The following TNNI3K variants were observed in gnomAD, a reference collection of about 807,000 sequenced individuals.
TNNI3K encodes TNNI3 interacting kinase.
TNNI3K carries 140 observed loss-of-function variants against 114.5 expected under a neutral mutation model. The observed-to-expected ratio is 1.22, with a 90% CI of 1.07 to 1.41. The LOEUF (loss-of-function observed/expected upper bound fraction) is 1.41. Ranked by LOEUF, TNNI3K falls within the 40% of genes most tolerant of loss-of-function variation. The probability of loss-of-function intolerance (pLI) is 0.00; values close to 1 mark genes in which losing one functional copy is unlikely to be tolerated. For missense variants in TNNI3K, 1,125 were observed against 1,007.6 expected, an observed-to-expected ratio of 1.12 and a Z score of -1.58; for synonymous variants, 347 against 347.5, an observed-to-expected ratio of 1.00 and a Z score of 0.02.
rs75732285 is a variant in TNNI3K at position 74,325,740 on chromosome 1, C to T, written c.445-5710C>T. 6.2e-3 allele frequency among the ~76,000 whole-genome samples: 941 copies of T among 152,012 alleles called. 11 individuals are homozygous for T. Among genetic ancestry groups the T allele is most frequent in the African/African-American group, 0.022 (898 of 41,460 alleles). On this transcript the variant is annotated intron_variant, in intron 5 of 24. Transcript: ENST00000326637. ...AGATGACTCTTTAAAAAATTGTCTACGAAGTTTAGGAGGAAGGACAATAGT... is the reference window on the plus strand; with the variant it reads ...AGATGACTCTTTAAAAAATTGTCTATGAAGTTTAGGAGGAAGGACAATAGT...
At chr1:74,372,848 A>G (rs945403068) in intron 17 of TNNI3K, 8 of 151,930 alleles carry the variant, frequency 5.3e-5, no homozygotes, top group African/African-American at 1.9e-4. Context: ...TAAAATAAAA[A>G]CAGAACATTT....
intron 17 of TNNI3K, chr1:74,375,063 C>A (rs1435203313): frequency 1.3e-5 from 2 of 152,444 alleles, no homozygotes; most frequent in African/African-American, 4.8e-5. Flanking sequence ...ATAGTGATAA[C>A]CTCCATCACA....
At chr1:74,288,482 T>C (rs510691) in intron 5 of TNNI3K, among the ~76,000 whole-genome samples, 150,803 of 152,168 alleles carry the variant, frequency 0.99, 74,743 homozygotes, top group Middle Eastern at 1. Context: ...ATGAATGAAC[T>C]GGGAGGACAT....
chr1:74,370,404 C>A lies in TNNI3K; in HGVS notation c.1772+12C>A. 1.3e-6 allele frequency: 2 copies of A among 1,597,492 alleles called. No individual in the cohort carries two copies. The highest frequency in any genetic ancestry group is 2.3e-5 in the East Asian group (1 of 44,224). ...CGTGACTTGAACAGGTATTTTTTTC[C>A]TAAATAATGAACTCAGAAGGGTATG... is the stretch of plus-strand genomic sequence containing the variant. On this transcript the variant is annotated intron_variant, in intron 17 of 24. Transcript: ENST00000326637.
At chr1:74,542,505 C>A (rs1285350538) in intron 24 of TNNI3K, among the ~76,000 whole-genome samples, 2 of 152,188 alleles carry the variant, frequency 1.3e-5, no homozygotes, top group African/African-American at 4.8e-5. Flanking sequence ...CCCATCATAA[C>A]CTTCCTCACA....
intron 23 of TNNI3K, among the ~76,000 whole-genome samples, chr1:74,508,816 C>T (rs1417967016): frequency 1.3e-5 from 2 of 152,188 alleles, no homozygotes; most frequent in Non-Finnish European, 2.9e-5. Context: ...GTTCTAATCC[C>T]ACCTCTGCCT....
Position 74,347,050 on chromosome 1 carries a change from G to T in TNNI3K, c.932+3871G>T, listed in dbSNP as rs563794457. ...GTTTTAGGGTACATGTGCACAACGGGCAGGTTTGTTACATATGTATACATG... is the reference window on the plus strand; with the variant it reads ...GTTTTAGGGTACATGTGCACAACGGTCAGGTTTGTTACATATGTATACATG... On this transcript the variant is annotated intron_variant, in intron 9 of 24. Transcript: ENST00000326637. 1.3e-4 allele frequency among the ~76,000 whole-genome samples: 20 copies of T among 151,552 alleles called. No individual in the cohort carries two copies. In the South Asian group the frequency reaches 4.2e-3, roughly 32 times the overall value.
chr1:74,449,359 TC>T (rs1364894718), intron 20 of TNNI3K, among the ~76,000 whole-genome samples: 1 of 151,632 alleles, frequency 6.6e-6, no homozygotes, highest in Non-Finnish European at 1.5e-5. Context: ...TCTCTTTTTT[TC>T]TTTATTAGTC....
At chr1:74,413,460 T>C (rs1021122921) in intron 17 of TNNI3K, among the ~76,000 whole-genome samples, 1 of 152,184 alleles carries the variant, frequency 6.6e-6, no homozygotes, top group Non-Finnish European at 1.5e-5. Context: ...ACAAAGGTGT[T>C]GTTACGGTAG....
chr1:74,249,461 C>A lies in TNNI3K; in HGVS notation c.152C>A (p.Ser51Tyr). 6.2e-7 allele frequency: 1 copy of A among 1,611,114 alleles called. No homozygotes were observed. Among genetic ancestry groups the A allele is most frequent in the East Asian group, 2.2e-5 (1 of 44,728 alleles). Residue 51 changes from serine (S) to tyrosine (Y), a missense_variant and splice_region_variant, in exon 3 of 25, where the codon TCT (serine) becomes TAT (tyrosine). Coordinates refer to ENST00000326637, the MANE Select transcript of TNNI3K (RefSeq NM_015978.3). Reference protein sequence around the residue: ...ELTELRNIFGSDEAFSKVNLN... With the variant: ...ELTELRNIFGYDEAFSKVNLN... Reference sequence around the variant, plus strand: ...CATCTGTAACATGTTTTTTTCAGCTCTGATGAAGCCTTCAGTAAAGTCAAT... The same window carrying A: ...CATCTGTAACATGTTTTTTTCAGCTATGATGAAGCCTTCAGTAAAGTCAAT...
intron 20 of TNNI3K, among the ~76,000 whole-genome samples, chr1:74,457,526 T>A (rs1338928230): frequency 6.6e-6 from 1 of 152,158 alleles, no homozygotes; most frequent in Non-Finnish European, 1.5e-5. Flanking sequence ...ATTTGCTTTG[T>A]CTCACCGCAG....
intron 2 of TNNI3K, among the ~76,000 whole-genome samples, chr1:74,244,730 T>G (rs1654449942): frequency 6.6e-6 from 1 of 150,966 alleles, no homozygotes; most frequent in African/African-American, 2.4e-5. Flanking sequence ...GAAGTGAGCC[T>G]TAAGAGCAGA....
At chr1:74,448,511 T>C (rs958278851) in intron 20 of TNNI3K, among the ~76,000 whole-genome samples, 1 of 145,804 alleles carries the variant, frequency 6.9e-6, no homozygotes, top group Admixed American at 6.8e-5. Context: ...TGAATAGGAG[T>C]GGTGAGAGAG....
chr1:74,334,613 A>G (rs1467014881), intron 6 of TNNI3K, among the ~76,000 whole-genome samples: 1 of 152,202 alleles, frequency 6.6e-6, no homozygotes, highest in African/African-American at 2.4e-5. Flanking sequence ...TTCCTAAATT[A>G]CCTGAAACAA....
At chr1:74,489,456 C>G (rs1356513184) in intron 22 of TNNI3K, among the ~76,000 whole-genome samples, 2 of 152,112 alleles carry the variant, frequency 1.3e-5, no homozygotes, top group African/African-American at 4.8e-5. Context: ...AATTCGAGAC[C>G]TTCCAACAAA....
intron 22 of TNNI3K, among the ~76,000 whole-genome samples, chr1:74,490,705 A>G (rs1669026218): frequency 6.6e-6 from 1 of 152,170 alleles, no homozygotes; most frequent in Non-Finnish European, 1.5e-5. Context: ...CTTTTCAGTC[A>G]ACGGTTTAGA....
At chr1:74,491,974 G>A in intron 22 of TNNI3K, 123 bp from the exon 23 acceptor site, 1 of 1,337,864 alleles carries the variant, frequency 7.5e-7, no homozygotes, top group Non-Finnish European at 9.8e-7. Flanking sequence ...CCAGGAGCAA[G>A]CTGAGTGAAT....
chr1:74,320,037 C>T (rs1183594186), intron 5 of TNNI3K, among the ~76,000 whole-genome samples: 2 of 152,188 alleles, frequency 1.3e-5, no homozygotes, highest in African/African-American at 4.8e-5. Context: ...TGAGTCCCAT[C>T]TGCAATTATA....
intron 17 of TNNI3K, chr1:74,401,779 A>G (rs1436581586): frequency 1.1e-5 from 5 of 435,824 alleles, no homozygotes; most frequent in Middle Eastern, 6.7e-4. Flanking sequence ...TAAAATTGCT[A>G]TGTAATTAAT....
Sources: allele counts gnomAD v4.1 joint callset (sites outside exome capture counted in the v4.1 genomes callset), GRCh38; gene constraint gnomAD v4.1.1; transcripts MANE v1.5; gene names NCBI Gene and HGNC (gene_info 2026-07-23, HGNC 2026-07-21).